Variants in TOGARAM1 observed in about 807,000 individuals in gnomAD.
The protein encoded by TOGARAM1 is TOG array regulator of axonemal microtubules 1.
A neutral mutation model predicts 166.6 loss-of-function variants in TOGARAM1; 100 were observed. That is an observed-to-expected ratio of 0.60 (90% CI 0.51 to 0.71). TOGARAM1 has a LOEUF of 0.71. TOGARAM1 is among the 30% of genes least tolerant of loss of function. The probability of loss-of-function intolerance (pLI) is 0.00; values close to 1 mark genes in which losing one functional copy is unlikely to be tolerated. For synonymous variants in TOGARAM1, 758 were observed against 763.8 expected (o/e 0.99, Z 0.13); for missense variants, 2,029 against 2,102.7 (o/e 0.96, Z 0.69).
At chr14:44,998,589 C>T (rs969151233) in intron 2 of TOGARAM1, among the ~76,000 whole-genome samples, 14 of 152,024 alleles carry the variant, frequency 9.2e-5, no homozygotes, top group East Asian at 1.9e-4. Flanking sequence ...GCCAAGTTTG[C>T]GCCACCGCAT....
At chr14:45,007,573 T>C (rs1326305678) in intron 5 of TOGARAM1, 3 of 152,066 alleles carry the variant, frequency 2.0e-5, no homozygotes, top group African/African-American at 7.2e-5. Flanking sequence ...GATATTCAAC[T>C]TTTCACGCTT....
At chr14:44,988,781 C>T (rs916865897) in intron 1 of TOGARAM1, among the ~76,000 whole-genome samples, 26 of 152,166 alleles carry the variant, frequency 1.7e-4, no homozygotes, top group African/African-American at 6.0e-4. Flanking sequence ...ATGTCAGTTG[C>T]TCTCGCTCAC....
In TOGARAM1 at chr14:45,046,596, A is replaced by G; in HGVS notation, c.4206A>G (p.Val1402=). The G allele has an allele frequency of 1.4e-6, 2 of 1,412,654 alleles. No individual in the cohort carries two copies. The highest frequency in any genetic ancestry group is 1.7e-5 in the South Asian group (1 of 57,898). 87.5% of individuals were successfully genotyped at this position (1,412,654 alleles called of 1,614,324 possible). ...GTACAGCCCAGCATTTATCAGATGT[A>G]TTGGAATTTATGGAACCAGAACGTA... The part of the protein sequence containing the change: ...RRCTAQHLSD[V]LEFMEPERIL... Residue 1402 remains valine (V), a synonymous_variant, in exon 14 of 20, where the codon GTA becomes GTG. Coordinates refer to ENST00000361462, the MANE Select transcript of TOGARAM1 (RefSeq NM_001308120.2).
rs993989124 is a variant in TOGARAM1 at position 45,032,142 on chromosome 14, A to G, written c.3659-81A>G. ...ACTACTGCACCCTAGCCTGGGCAACACAGCGAGACTCCATCTCAAAAAGAT... is the reference window on the plus strand; with the variant it reads ...ACTACTGCACCCTAGCCTGGGCAACGCAGCGAGACTCCATCTCAAAAAGAT... On this transcript the variant is annotated intron_variant, in intron 10 of 19. Coordinates refer to ENST00000361462, the MANE Select transcript of TOGARAM1 (RefSeq NM_001308120.2). The G allele has an allele frequency of 2.4e-5, 31 of 1,277,672 alleles. No homozygotes were observed. The South Asian group carries it at 4.7e-4, about 19-fold the overall frequency. The allele number at this position is 1,277,672 out of a possible 1,614,324, so 79.1% of individuals were successfully genotyped here.
Position 45,004,272 on chromosome 14 carries a change from C to G in TOGARAM1, c.2550C>G (p.Ser850=), listed in dbSNP as rs1887841534. ...ATAATTCTGTTAATTTCTCAAATTC[C>G]TGGCCTCTTAAAAGCTTCGAAGGAC... ...SQDNSVNFSN[S]WPLKSFEGLS... Residue 850 remains serine (S), a synonymous_variant, in exon 4 of 20, where the codon TCC becomes TCG. Coordinates refer to ENST00000361462, the MANE Select transcript of TOGARAM1 (RefSeq NM_001308120.2). 6.2e-7 allele frequency: 1 copy of G among 1,614,098 alleles called. No homozygotes were observed. The highest frequency in any genetic ancestry group is 8.5e-7 in the Non-Finnish European group (1 of 1,179,986).
At chr14:45,048,055 C>CAAAA (rs1258401220) in intron 14 of TOGARAM1, among the ~76,000 whole-genome samples, 2 of 88,016 alleles carry the variant, frequency 2.3e-5, no homozygotes, top group African/African-American at 4.0e-5. Flanking sequence ...GACTCCATCT[C>CAAAA]AAAAAAAAAA....
At chr14:44,984,655 G>A (rs981566446) in intron 1 of TOGARAM1, among the ~76,000 whole-genome samples, 3 of 151,590 alleles carry the variant, frequency 2.0e-5, no homozygotes, top group African/African-American at 7.3e-5. Context: ...AGTGCCTGTA[G>A]TCCCAGCTGC....
intron 11 of TOGARAM1, among the ~76,000 whole-genome samples, chr14:45,039,052 G>C (rs1881585596): frequency 6.6e-6 from 1 of 152,102 alleles, no homozygotes; most frequent in African/African-American, 2.4e-5. Flanking sequence ...GTGGAGAGGA[G>C]ACCCGGAGTG....
intron 14 of TOGARAM1, among the ~76,000 whole-genome samples, chr14:45,051,282 G>GCC (rs1882351254): frequency 6.6e-6 from 1 of 152,128 alleles, no homozygotes; most frequent in African/African-American, 2.4e-5. Flanking sequence ...GTAAGTTTTG[G>GCC]CTAGGGAAAA....
intron 1 of TOGARAM1, among the ~76,000 whole-genome samples, chr14:44,966,778 A>T (rs958762580): frequency 2.0e-5 from 3 of 152,014 alleles, no homozygotes; most frequent in Non-Finnish European, 4.4e-5. Flanking sequence ...ACATAGTGAG[A>T]TCCCCATCTC....
In TOGARAM1 at chr14:44,995,565, G is replaced by A. The variant is rs978274641; in HGVS notation, c.2047-181G>A. 3.7e-5 allele frequency: 23 copies of A among 623,336 alleles called. No homozygotes were observed. In the African/African-American group the frequency reaches 4.0e-4, roughly 11 times the overall value. The allele number at this position is 623,336 out of a possible 1,614,324, so 38.6% of individuals were successfully genotyped here. A position where few individuals can be genotyped will look rare whatever the true frequency, so the allele number is the denominator to read the frequency against. ...AAAAAACAATTAGCATTTCTCTTCTGGAATGAAAAGTACTGTTGGTGTACC... is the reference window on the plus strand; with the variant it reads ...AAAAAACAATTAGCATTTCTCTTCTAGAATGAAAAGTACTGTTGGTGTACC... On this transcript the variant is annotated intron_variant, in intron 1 of 19. Coordinates refer to ENST00000361462, the MANE Select transcript of TOGARAM1 (RefSeq NM_001308120.2).
intron 16 of TOGARAM1, among the ~76,000 whole-genome samples, chr14:45,059,088 A>T (rs970038326): frequency 6.6e-6 from 1 of 152,022 alleles, no homozygotes; most frequent in African/African-American, 2.4e-5. Context: ...AATATATTTT[A>T]TTTTTATTTT....
chr14:45,055,619 G>A (rs1267214247), intron 16 of TOGARAM1, among the ~76,000 whole-genome samples: 3 of 151,890 alleles, frequency 2.0e-5, no homozygotes, highest in East Asian at 1.9e-4. Context: ...CCTGGCCAAC[G>A]TAGTGAAACC....
At chr14:44,969,770 A>G (rs969515768) in intron 1 of TOGARAM1, among the ~76,000 whole-genome samples, 2 of 152,016 alleles carry the variant, frequency 1.3e-5, no homozygotes, top group Non-Finnish European at 2.9e-5. Context: ...TTACATGTGC[A>G]TGTTCAGTTG....
At chr14:44,995,187 A>G (rs945618175) in intron 1 of TOGARAM1, among the ~76,000 whole-genome samples, 1 of 152,222 alleles carries the variant, frequency 6.6e-6, no homozygotes, top group African/African-American at 2.4e-5. Context: ...GAAACTATGA[A>G]GTACTATACA....
intron 1 of TOGARAM1, among the ~76,000 whole-genome samples, chr14:44,991,436 T>C (rs1371349303): frequency 2.0e-5 from 3 of 152,172 alleles, no homozygotes; most frequent in South Asian, 2.1e-4. Context: ...ATCTGAATGT[T>C]CCATCAAAGG....
Position 45,044,747 on chromosome 14 carries a change from T to C in TOGARAM1, c.4031T>C (p.Leu1344Ser). 1 of 1,614,098 alleles carries C rather than the reference T, an allele frequency of 6.2e-7. No homozygotes were observed. The highest frequency in any genetic ancestry group is 8.5e-7 in the Non-Finnish European group (1 of 1,179,996). The change falls in exon 13 of 20, where the codon TTG becomes TCG. Residue 1344 changes from leucine to serine, a missense_variant. Physicochemically the swap from Leu to Ser is moderately radical, Grantham distance 145. Coordinates refer to ENST00000361462, the MANE Select transcript of TOGARAM1 (RefSeq NM_001308120.2). Reference sequence around the variant, plus strand: ...GAGCTAGATACCACAGTAAAAGTTTTGTTGCACAAGGCTGGTGAATCAAAT... The same window carrying C: ...GAGCTAGATACCACAGTAAAAGTTTCGTTGCACAAGGCTGGTGAATCAAAT... The part of the protein sequence containing the change: ...DQELDTTVKV[L>S]LHKAGESNTF...
intron 2 of TOGARAM1, 36 bp from the exon 3 acceptor site, chr14:44,999,327 T>C: frequency 6.7e-7 from 1 of 1,494,890 alleles, no homozygotes; most frequent in Non-Finnish European, 9.0e-7. Flanking sequence ...AAGTTAACTT[T>C]TGCTTTTATG....
intron 1 of TOGARAM1, among the ~76,000 whole-genome samples, chr14:44,986,821 A>T (rs1401869938): frequency 6.6e-6 from 1 of 151,242 alleles, no homozygotes; most frequent in Non-Finnish European, 1.5e-5. Flanking sequence ...CCTGGCTAAC[A>T]CGGTGTAACC....
Sources: allele counts gnomAD v4.1 joint callset (sites outside exome capture counted in the v4.1 genomes callset), GRCh38; gene constraint gnomAD v4.1.1; transcripts MANE v1.5; gene names NCBI Gene and HGNC (gene_info 2026-07-23, HGNC 2026-07-21).